The following SLC67A2 variants were observed in gnomAD, a reference collection of about 807,000 sequenced individuals.
SLC67A2 encodes the protein solute carrier family 67 member 2.
the SLC67A2 span, among the ~76,000 whole-genome samples, chr2:102,721,657 C>CTGTG: frequency 7.4e-3 from 1,108 of 148,988 alleles, 8 homozygotes; most frequent in Middle Eastern, 0.017. Flanking sequence ...GCTCATAGTC[C>CTGTG]TGTGTGTGTG....
chr2:102,716,032 C>T, the SLC67A2 span: 1 of 152,124 alleles, frequency 6.6e-6, no homozygotes, highest in African/African-American at 2.4e-5. Context: ...CTACTGGTCT[C>T]TGGGTCACAC....
At chr2:102,724,589 C>A in the SLC67A2 span, among the ~76,000 whole-genome samples, 2 of 152,354 alleles carry the variant, frequency 1.3e-5, no homozygotes, top group South Asian at 2.1e-4. Context: ...ACGTGCAGAA[C>A]AACCACACTT....
At chr2:102,736,650 A>C in the SLC67A2 span, 1 of 1,613,712 alleles carries the variant, frequency 6.2e-7, no homozygotes, top group Non-Finnish European at 8.5e-7. Context: ...ACTCACCAAG[A>C]AGCCCACCAA....
chr2:102,729,375 G>A, the SLC67A2 span, among the ~76,000 whole-genome samples: 6 of 152,198 alleles, frequency 3.9e-5, no homozygotes, highest in Non-Finnish European at 7.3e-5. Flanking sequence ...TGTATCTCAG[G>A]AAGACCAGAG....
chr2:102,728,041 T>C, the SLC67A2 span, among the ~76,000 whole-genome samples: 1 of 152,004 alleles, frequency 6.6e-6, no homozygotes, highest in South Asian at 2.1e-4. Flanking sequence ...GAACACTCTA[T>C]GCAAGTAAGG....
the SLC67A2 span, among the ~76,000 whole-genome samples, chr2:102,731,570 T>C: frequency 6.6e-6 from 1 of 152,238 alleles, no homozygotes; most frequent in Non-Finnish European, 1.5e-5. Flanking sequence ...TATCATGCAA[T>C]GTGCCCTATC....
chr2:102,723,203 G>T, the SLC67A2 span, among the ~76,000 whole-genome samples: 2 of 152,238 alleles, frequency 1.3e-5, no homozygotes, highest in African/African-American at 4.8e-5. Context: ...GGGCGCAGTG[G>T]CTCGCGCCTG....
the SLC67A2 span, chr2:102,726,936 C>A: frequency 6.2e-7 from 1 of 1,613,624 alleles, no homozygotes. Context: ...TGCATGCCAG[C>A]AAGGAAGACC....
the SLC67A2 span, among the ~76,000 whole-genome samples, chr2:102,734,612 T>C: frequency 6.6e-6 from 1 of 152,198 alleles, no homozygotes; most frequent in African/African-American, 2.4e-5. Flanking sequence ...GGTAGCTTTA[T>C]GTGACTTTCA....
chr2:102,731,342 C>G, the SLC67A2 span, among the ~76,000 whole-genome samples: 57 of 151,982 alleles, frequency 3.8e-4, no homozygotes, highest in African/African-American at 1.3e-3. Context: ...GTTATGGACG[C>G]TGTATGATTG....
the SLC67A2 span, among the ~76,000 whole-genome samples, chr2:102,731,394 C>T: frequency 0.013 from 2,022 of 152,182 alleles, 49 homozygotes; most frequent in Middle Eastern, 0.014. Context: ...ACTTATGAAA[C>T]AGCATAGAGA....
At chr2:102,727,019 G>A in the SLC67A2 span, 24 of 1,592,150 alleles carry the variant, frequency 1.5e-5, no homozygotes, top group East Asian at 6.7e-5. Context: ...TCACAGTAAC[G>A]ACTACCACCA....
At chr2:102,716,901 C>G in the SLC67A2 span, 1 of 152,358 alleles carries the variant, frequency 6.6e-6, no homozygotes, top group African/African-American at 2.4e-5. Context: ...CACCTTCTGT[C>G]TGGGCCTCTG....
At chr2:102,715,830 A>C in the SLC67A2 span, 2 of 152,216 alleles carry the variant, frequency 1.3e-5, no homozygotes, top group Non-Finnish European at 2.9e-5. Flanking sequence ...AAAAAATGAA[A>C]CACCACAAAT....
the SLC67A2 span, among the ~76,000 whole-genome samples, chr2:102,731,266 A>C: frequency 6.6e-6 from 1 of 152,182 alleles, no homozygotes; most frequent in Non-Finnish European, 1.5e-5. Context: ...AAGTAATACA[A>C]TTTCTAACAA....
chr2:102,718,174 C>T, the SLC67A2 span: 5 of 500,506 alleles, frequency 1.0e-5, no homozygotes, highest in South Asian at 2.5e-5. Context: ...TCCAGGTAAA[C>T]GCTGAATATG....
the SLC67A2 span, among the ~76,000 whole-genome samples, chr2:102,726,633 C>A: frequency 6.6e-6 from 1 of 152,086 alleles, no homozygotes; most frequent in Non-Finnish European, 1.5e-5. Flanking sequence ...CGCACACACA[C>A]ACACACAGGC....
the SLC67A2 span, chr2:102,736,640 A>T: frequency 6.2e-7 from 1 of 1,613,560 alleles, no homozygotes. Context: ...CCACGCTCGC[A>T]CTCACCAAGA....
At chr2:102,719,813 A>C in the SLC67A2 span, among the ~76,000 whole-genome samples, 1 of 152,216 alleles carries the variant, frequency 6.6e-6, no homozygotes, top group Non-Finnish European at 1.5e-5. Flanking sequence ...CCTTGGCTTG[A>C]CCGATGGGCA....
Sources: gnomAD v4.1 joint callset for allele counts (sites outside exome capture counted in the v4.1 genomes callset) on GRCh38, gnomAD v4.1.1 for gene constraint, MANE v1.5 for transcripts, NCBI Gene and HGNC (gene_info 2026-07-23, HGNC 2026-07-21) for gene names.